LPIN2: variants seen among roughly 807,000 people sequenced by gnomAD.
LPIN2 encodes phosphatidate phosphatase LPIN2.
In LPIN2, 55 loss-of-function variants were observed where a neutral mutation model predicts 111.4. That is an observed-to-expected ratio of 0.49 (90% CI 0.40 to 0.62). The LOEUF (loss-of-function observed/expected upper bound fraction) is 0.62. Ranked by LOEUF, LPIN2 falls within the 20% of genes least tolerant of loss-of-function variation. LPIN2 has a pLI of 0.00. For synonymous variants in LPIN2, 425 were observed against 414.0 expected, an observed-to-expected ratio of 1.03 and a Z score of -0.32; for missense variants, 992 against 1,112.1, an observed-to-expected ratio of 0.89 and a Z score of 1.54.
intron 1 of LPIN2, among the ~76,000 whole-genome samples, chr18:3,010,596 A>G (rs1312230559): frequency 1.3e-5 from 2 of 152,194 alleles, no homozygotes; most frequent in African/African-American, 4.8e-5. Flanking sequence ...ACACTCAACG[A>G]CAGTCACTGG....
At chr18:2,988,279 C>G (rs773857959) in intron 1 of LPIN2, among the ~76,000 whole-genome samples, 3 of 152,112 alleles carry the variant, frequency 2.0e-5, no homozygotes, top group Non-Finnish European at 4.4e-5. Flanking sequence ...CTCATTTATG[C>G]TCTTCAGGAG....
Position 2,957,374 on chromosome 18 carries a change from C to T in LPIN2, c.193-2775G>A, listed in dbSNP as rs140308407. On this transcript the variant is annotated intron_variant, in intron 2 of 19. Transcript: ENST00000677752. ...ATAATGCTCACTGGAGCACTTCAGA[C>T]GTCAGATTTTCAGATTTGGGATGCT... Among the ~76,000 whole-genome samples the T allele has an allele frequency of 2.2e-3, 333 of 152,262 alleles. 3 individuals are homozygous for T. In the South Asian group the frequency reaches 0.028, roughly 13 times the overall value.
intron 3 of LPIN2, among the ~76,000 whole-genome samples, chr18:2,951,993 A>T (rs2077544859): frequency 6.6e-6 from 1 of 152,244 alleles, no homozygotes; most frequent in Non-Finnish European, 1.5e-5. Context: ...GAAGAAAATA[A>T]GGCCCAATAT....
intron 17 of LPIN2, 74 bp downstream of exon 17, chr18:2,921,973 C>T (rs1240015085): frequency 1.3e-6 from 2 of 1,523,706 alleles, no homozygotes; most frequent in Non-Finnish European, 8.8e-7. Context: ...TGTTCCCACA[C>T]ATCCCCCCAC....
Position 2,920,403 on chromosome 18 carries a change from AC to A in LPIN2, c.2580del (p.Phe861SerfsTer138), listed in dbSNP as rs1345638865. 3.1e-6 allele frequency: 5 copies of A among 1,613,950 alleles called. No individual in the cohort carries two copies. Among genetic ancestry groups the A allele is most frequent in the Non-Finnish European group, 4.2e-6 (5 of 1,180,036 alleles). On this transcript the variant is annotated frameshift_variant, in exon 20 of 20. Transcript: ENST00000677752. LOFTEE classifies it high-confidence loss of function. ...YHRLSELVEH[V>X]FPLLSKEQNS... ...TTCTGCTCCTTACTGAGAAGGGGGAACACATGCTCCACGAGCTCACTCAGCC... is the reference window on the plus strand; with the variant it reads ...TTCTGCTCCTTACTGAGAAGGGGGAAACATGCTCCACGAGCTCACTCAGCC...
chr18:2,940,351 A>G (rs1000347780), intron 5 of LPIN2, among the ~76,000 whole-genome samples: 3 of 152,216 alleles, frequency 2.0e-5, no homozygotes, highest in African/African-American at 4.8e-5. Flanking sequence ...AAGAAAAAAA[A>G]TAACTGTAGA....
Position 2,926,768 on chromosome 18 carries a change from G to A in LPIN2, c.1748C>T (p.Pro583Leu), listed in dbSNP as rs1442648155. The A allele has an allele frequency of 6.2e-7, 1 of 1,613,750 alleles. No homozygotes were observed. The highest frequency in any genetic ancestry group is 8.5e-7 in the Non-Finnish European group (1 of 1,180,004). Residue 583 changes from proline to leucine, a missense_variant, in exon 13 of 20, where the codon CCA (proline) becomes CTA (leucine). Pro to Leu is a moderately conservative substitution (Grantham distance 98, BLOSUM62 -3). This residue lies in a region of LPIN2 where 709 missense variants were observed against 753.2 expected (regional missense o/e 0.94). Coordinates refer to ENST00000677752, the MANE Select transcript of LPIN2 (RefSeq NM_001375808.2). Reference sequence around the variant, plus strand: ...GGAGCTGGATGGCAGGTCACTGGCTGGCGGTGCCTCAGATTTTCCCTCCTT... The same window carrying A: ...GGAGCTGGATGGCAGGTCACTGGCTAGCGGTGCCTCAGATTTTCCCTCCTT... Reference protein sequence around the residue: ...ESKEGKSEAPPASDLPSSSKE... With the variant: ...ESKEGKSEAPLASDLPSSSKE...
chr18:2,994,117 G>GTACGCC, intron 1 of LPIN2, among the ~76,000 whole-genome samples: 1 of 152,202 alleles, frequency 6.6e-6, no homozygotes, highest in East Asian at 1.9e-4. Flanking sequence ...GTACATAAAT[G>GTACGCC]TACGCCTATC....
At chr18:3,003,908 T>G (rs1468373033) in intron 1 of LPIN2, among the ~76,000 whole-genome samples, 5 of 152,200 alleles carry the variant, frequency 3.3e-5, no homozygotes, top group Non-Finnish European at 7.3e-5. Flanking sequence ...GTAGGAGAGA[T>G]ATCGCTGAAT....
chr18:3,013,140 A>C lies in LPIN2; in HGVS notation c.-63T>G, dbSNP rs2078635324. On this transcript the variant is annotated 5_prime_UTR_variant, in exon 1 of 20. Transcript: ENST00000677752. ...GCGGCTGAGGGCAGGCGGCGGCTGG[A>C]CTGCGACGGCTAGGACCCGCCGGGG... The C allele has an allele frequency of 6.6e-6, 1 of 150,456 alleles. No individual in the cohort carries two copies. Among genetic ancestry groups the C allele is most frequent in the South Asian group, 2.1e-4 (1 of 4,836 alleles). The allele number at this position is 150,456 out of a possible 1,614,324, so 9.3% of individuals were successfully genotyped here. A position where few individuals can be genotyped will look rare whatever the true frequency, so the allele number is the denominator to read the frequency against.
At chr18:2,953,702 T>A (rs1489907808) in intron 3 of LPIN2, among the ~76,000 whole-genome samples, 1 of 152,266 alleles carries the variant, frequency 6.6e-6, no homozygotes, top group Non-Finnish European at 1.5e-5. Flanking sequence ...GTATCCTTAA[T>A]AACTTGATGC....
intron 1 of LPIN2, among the ~76,000 whole-genome samples, chr18:2,974,901 T>A (rs944024031): frequency 1.3e-5 from 2 of 152,096 alleles, no homozygotes; most frequent in African/African-American, 4.8e-5. Flanking sequence ...GAGGCTGAGG[T>A]GGGAGGGAAT....
In LPIN2 at chr18:2,920,012, G is replaced by A; in HGVS notation, c.*281C>T. 1 of 532,710 alleles carries A rather than the reference G, an allele frequency of 1.9e-6. No homozygotes were observed. The highest frequency in any genetic ancestry group is 3.4e-6 in the Non-Finnish European group (1 of 294,214). The allele number at this position is 532,710 out of a possible 1,614,324, so 33.0% of individuals were successfully genotyped here. On this transcript the variant is annotated 3_prime_UTR_variant, in exon 20 of 20. Coordinates refer to ENST00000677752, the MANE Select transcript of LPIN2 (RefSeq NM_001375808.2). Reference sequence around the variant, plus strand: ...CTTTAAAATGATGCAATGGAAGGAGGCCCCAGCTCACAGCAGGAAACATGT... The same window carrying A: ...CTTTAAAATGATGCAATGGAAGGAGACCCCAGCTCACAGCAGGAAACATGT...
At chr18:2,962,244 G>T (rs911214889) in intron 1 of LPIN2, among the ~76,000 whole-genome samples, 9 of 152,104 alleles carry the variant, frequency 5.9e-5, no homozygotes, top group African/African-American at 2.2e-4. Context: ...TTTTACCCTG[G>T]AAGAAATTTT....
chr18:2,927,391 T>G (rs1429808760), intron 12 of LPIN2, among the ~76,000 whole-genome samples: 1 of 152,206 alleles, frequency 6.6e-6, no homozygotes, highest in Non-Finnish European at 1.5e-5. Flanking sequence ...TCCTATCTGA[T>G]AGGTAATACA....
intron 18 of LPIN2, 24 bp downstream of exon 18, chr18:2,921,509 A>AC: frequency 6.4e-7 from 1 of 1,557,346 alleles, no homozygotes; most frequent in South Asian, 1.1e-5. Context: ...CCACATCAGA[A>AC]CCCAGAGCCC....
chr18:3,002,611 T>G (rs1043576267), intron 1 of LPIN2, among the ~76,000 whole-genome samples: 4 of 152,202 alleles, frequency 2.6e-5, no homozygotes, highest in African/African-American at 9.6e-5. Flanking sequence ...ATGTTGTGCA[T>G]AACATTTGTA....
At position 2,922,073 on chromosome 18, in the gene LPIN2, G is replaced by A. The variant is rs779121463; in HGVS notation, c.2301C>T (p.Pro767=). The change falls in exon 17 of 20, where the codon CCC becomes CCT. Residue 767 remains proline, a synonymous_variant. Transcript: ENST00000677752. ...ILPRGPLMLS[P]SSLFSAFHRE... is the part of the protein sequence containing the mutation. ...TGTGGAAGGCGGAGAACAAGCTGCT[G>A]GGGGACAGCATCAGGGGGCCCCGGG... 2.2e-5 allele frequency: 35 copies of A among 1,613,584 alleles called. No individual in the cohort carries two copies. Among genetic ancestry groups the A allele is most frequent in the Non-Finnish European group, 2.5e-5 (29 of 1,179,892 alleles).
At chr18:3,010,811 T>C (rs1303603731) in intron 1 of LPIN2, among the ~76,000 whole-genome samples, 2 of 152,106 alleles carry the variant, frequency 1.3e-5, no homozygotes, top group Non-Finnish European at 2.9e-5. Context: ...ACCCAAGGCA[T>C]AGAAAAATCG....
Sources: gnomAD v4.1 joint callset for allele counts (sites outside exome capture counted in the v4.1 genomes callset) on GRCh38, gnomAD v4.1.1 for gene constraint, gnomAD v4.1.1 regional missense constraint, MANE v1.5 for transcripts, NCBI Gene and HGNC (gene_info 2026-07-23, HGNC 2026-07-21) for gene names.